The following AZIN1 variants were observed in gnomAD, a reference collection of about 807,000 sequenced individuals.
The protein encoded by AZIN1 is ornithine decarboxylase antizyme inhibitor.
A neutral mutation model predicts 47.4 loss-of-function variants in AZIN1; 12 were observed. The ratio of observed to expected loss-of-function variants is 0.25; its 90% CI spans 0.16 to 0.41. The LOEUF (loss-of-function observed/expected upper bound fraction) is 0.41, where lower values mean the gene tolerates loss of function less well. Ranked by LOEUF, AZIN1 falls within the 10% of genes least tolerant of loss-of-function variation. The pLI is 1.00. For missense variants in AZIN1, 410 were observed against 532.4 expected, an observed-to-expected ratio of 0.77 and a Z score of 2.26; for synonymous variants, 155 against 176.3, an observed-to-expected ratio of 0.88 and a Z score of 0.96.
At chr8:102,830,946 A>C (rs1811417370) in intron 9 of AZIN1, among the ~76,000 whole-genome samples, 1 of 152,200 alleles carries the variant, frequency 6.6e-6, no homozygotes, top group Admixed American at 6.5e-5. Flanking sequence ...AGGGATCAAT[A>C]GATCCTCTCA....
At chr8:102,857,522 T>G (rs1449777069) in intron 2 of AZIN1, among the ~76,000 whole-genome samples, 5 of 152,120 alleles carry the variant, frequency 3.3e-5, no homozygotes, top group Non-Finnish European at 7.4e-5. Context: ...AAACTATCCT[T>G]GAAAATCTGT....
At chr8:102,853,222 T>C (rs1013567511) in intron 2 of AZIN1, among the ~76,000 whole-genome samples, 2 of 152,240 alleles carry the variant, frequency 1.3e-5, no homozygotes, top group African/African-American at 2.4e-5. Flanking sequence ...AACTGGTCTA[T>C]GGTCGGGCGC....
Position 102,834,648 on chromosome 8 carries a change from T to A in AZIN1, c.666+18A>T. On this transcript the variant is annotated intron_variant, in intron 7 of 11. Coordinates refer to ENST00000337198, the MANE Select transcript of AZIN1 (RefSeq NM_148174.4). ...GGCTAAAATAAAATATCAAAATAACTTAAAAGAAAGAACTTACAGCCATGT... is the reference window on the plus strand; with the variant it reads ...GGCTAAAATAAAATATCAAAATAACATAAAAGAAAGAACTTACAGCCATGT... The A allele has an allele frequency of 3.2e-6, 5 of 1,561,238 alleles. No homozygotes were observed. The highest frequency in any genetic ancestry group is 4.4e-6 in the Non-Finnish European group (5 of 1,141,122).
At chr8:102,856,499 T>C (rs1044450274) in intron 2 of AZIN1, among the ~76,000 whole-genome samples, 4 of 152,226 alleles carry the variant, frequency 2.6e-5, no homozygotes, top group East Asian at 1.9e-4. Context: ...TCACTGACAA[T>C]AGTCTCTCAA....
chr8:102,834,273 GAA>G lies in AZIN1; in HGVS notation c.667-12_667-11del. ...TAAAGCCAATTTCTCCCTAGAGATG[GAA>G]AAAAAAAATTTAAATGTTTTTCCAA... On this transcript the variant is annotated splice_polypyrimidine_tract_variant and intron_variant, in intron 7 of 11. Coordinates refer to ENST00000337198, the MANE Select transcript of AZIN1 (RefSeq NM_148174.4). The G allele has an allele frequency of 6.5e-7, 1 of 1,544,556 alleles. No homozygotes were observed. The highest frequency in any genetic ancestry group is 8.8e-7 in the Non-Finnish European group (1 of 1,136,940).
chr8:102,830,050 G>A (rs1178650338), intron 9 of AZIN1, 114 bp from the exon 10 acceptor site: 3 of 720,568 alleles, frequency 4.2e-6, no homozygotes, highest in Admixed American at 2.8e-5. Flanking sequence ...GACACATAGA[G>A]CACGCATTTC....
intron 1 of AZIN1, among the ~76,000 whole-genome samples, chr8:102,863,343 C>T (rs1813866049): frequency 6.6e-6 from 1 of 151,356 alleles, no homozygotes; most frequent in African/African-American, 2.4e-5. Flanking sequence ...GCCCGCCCGC[C>T]GGGCTTCGGG....
At position 102,827,145 on chromosome 8, in the gene AZIN1, GA is replaced by G. The variant is rs1340359630; in HGVS notation, c.*1421del. ...ATTTTCTGTCCATTGGCACCAAAGT[GA>G]AGTCACATTTCCTCTTGGGAGACAG... On this transcript the variant is annotated 3_prime_UTR_variant, in exon 12 of 12. Transcript: ENST00000337198. 6.6e-6 allele frequency: 1 copy of G among 152,600 alleles called. No individual in the cohort carries two copies. Among genetic ancestry groups the G allele is most frequent in the Non-Finnish European group, 1.5e-5 (1 of 68,020 alleles). The allele number at this position is 152,600 out of a possible 1,614,324, so 9.5% of individuals were successfully genotyped here.
intron 1 of AZIN1, 127 bp downstream of exon 1, chr8:102,863,680 G>T: frequency 6.6e-6 from 1 of 150,902 alleles, no homozygotes; most frequent in Non-Finnish European, 1.5e-5. Flanking sequence ...CCATGTTCGA[G>T]GCGGCCGGCC....
At chr8:102,838,393 A>C (rs960731105) in intron 5 of AZIN1, among the ~76,000 whole-genome samples, 9 of 152,206 alleles carry the variant, frequency 5.9e-5, no homozygotes, top group African/African-American at 2.2e-4. Context: ...TGCTGACCAA[A>C]GTTTATCCTG....
At chr8:102,835,965 CA>C (rs1213972889) in intron 6 of AZIN1, among the ~76,000 whole-genome samples, 1 of 152,100 alleles carries the variant, frequency 6.6e-6, no homozygotes, top group Non-Finnish European at 1.5e-5. Context: ...CCCTCCCATC[CA>C]ATTTAAAAGG....
chr8:102,862,007 G>A (rs1813697523), intron 1 of AZIN1, among the ~76,000 whole-genome samples: 1 of 151,802 alleles, frequency 6.6e-6, no homozygotes, highest in Non-Finnish European at 1.5e-5. Context: ...CTGCACTCCA[G>A]CCTGGGCGAC....
chr8:102,834,926 T>C (rs1259217705), intron 6 of AZIN1, 179 bp from the exon 7 acceptor site: 3 of 535,460 alleles, frequency 5.6e-6, no homozygotes, highest in Non-Finnish European at 9.8e-6. Context: ...GTACCAGCTT[T>C]ATAGAAAAGG....
At chr8:102,834,393 CTGATAGAA>C in intron 7 of AZIN1, 130 bp from the exon 8 acceptor site, 3 of 706,246 alleles carry the variant, frequency 4.2e-6, no homozygotes, top group African/African-American at 1.8e-5. Flanking sequence ...TGGTTTTTTA[CTGATAGAA>C]ACAGATTATT....
chr8:102,851,303 C>T (rs992576294), intron 2 of AZIN1, among the ~76,000 whole-genome samples: 1 of 152,278 alleles, frequency 6.6e-6, no homozygotes, highest in Non-Finnish European at 1.5e-5. Flanking sequence ...TTTTGGTTAC[C>T]TTAAGGCAGA....
intron 5 of AZIN1, 67 bp downstream of exon 5, chr8:102,838,677 A>C: frequency 7.4e-7 from 1 of 1,348,666 alleles, no homozygotes; most frequent in Non-Finnish European, 1.0e-6. Flanking sequence ...CTTTCTTCCC[A>C]GACAAAAGAC....
At position 102,834,104 on chromosome 8, in the gene AZIN1, T is replaced by C. The variant is rs975014125; in HGVS notation, c.741+85A>G. The stretch of plus-strand genomic sequence containing the variant: ...ATGTTATAGGGTTTAGTTTCTGCCA[T>C]TGTAAAAATCCTGCTCTACACATCC... On this transcript the variant is annotated intron_variant, in intron 8 of 11. Transcript: ENST00000337198. The C allele has an allele frequency of 2.2e-5, 24 of 1,087,414 alleles. No homozygotes were observed. The Admixed American group carries it at 3.1e-4, about 14-fold the overall frequency. 67.4% of individuals were successfully genotyped at this position (1,087,414 alleles called of 1,614,324 possible).
At chr8:102,847,336 G>A in intron 2 of AZIN1, among the ~76,000 whole-genome samples, 1 of 142,426 alleles carries the variant, frequency 7.0e-6, no homozygotes, top group Non-Finnish European at 1.5e-5. Context: ...GCAATATAGG[G>A]AGAACCCATC....
chr8:102,833,155 T>C lies in AZIN1; in HGVS notation c.805A>G (p.Ile269Val), dbSNP rs766153252. The change falls in exon 9 of 12, where the codon ATT becomes GTT. Residue 269 changes from isoleucine (I) to valine (V), a missense_variant. By Grantham distance (29) the Ile-to-Val change is conservative (BLOSUM62 3). Coordinates refer to ENST00000337198, the MANE Select transcript of AZIN1 (RefSeq NM_148174.4). ...ACATAGTAGCTTCCGGGTTCTGAAA[T>C]TATCTTAACACCAGATCCTTCAGGA... ...YFPEGSGVKIISEPGSYYVSS... is the reference protein window; with the variant it reads ...YFPEGSGVKIVSEPGSYYVSS... The C allele has an allele frequency of 3.7e-6, 6 of 1,613,544 alleles. No homozygotes were observed. In the South Asian group the frequency reaches 4.4e-5, roughly 12 times the overall value.
Sources: allele counts gnomAD v4.1 joint callset (sites outside exome capture counted in the v4.1 genomes callset), GRCh38; gene constraint gnomAD v4.1.1; transcripts MANE v1.5; gene names NCBI Gene and HGNC (gene_info 2026-07-23, HGNC 2026-07-21).